TMEM117: variants seen among roughly 807,000 people sequenced by gnomAD.
TMEM117 encodes transmembrane protein 117.
A neutral mutation model predicts 52.4 loss-of-function variants in TMEM117; 27 were observed. That is an observed-to-expected ratio of 0.51 (90% confidence interval 0.38 to 0.71). The LOEUF is 0.71. TMEM117 is among the 30% of genes least tolerant of loss of function. The probability of loss-of-function intolerance (pLI) is 0.00; values close to 1 mark genes in which losing one functional copy is unlikely to be tolerated. For missense variants in TMEM117, 556 were observed against 630.5 expected, an observed-to-expected ratio of 0.88 and a Z score of 1.26; for synonymous variants, 215 against 206.3, an observed-to-expected ratio of 1.04 and a Z score of -0.36.
intron 3 of TMEM117, among the ~76,000 whole-genome samples, chr12:43,945,606 A>G (rs1678396650): frequency 6.6e-6 from 1 of 152,186 alleles, no homozygotes; most frequent in African/African-American, 2.4e-5. Context: ...TACAGGCTTG[A>G]GCCACTGCAT....
intron 4 of TMEM117, among the ~76,000 whole-genome samples, chr12:44,160,816 A>T (rs1432032243): frequency 6.6e-6 from 1 of 152,014 alleles, no homozygotes; most frequent in Non-Finnish European, 1.5e-5. Context: ...AAAAGAAATT[A>T]CCCTATCAAT....
intron 5 of TMEM117, among the ~76,000 whole-genome samples, chr12:44,267,892 A>G (rs11182449): frequency 0.089 from 13,600 of 152,142 alleles, 859 homozygotes; most frequent in African/African-American, 0.18. Context: ...TTCCTTGTCC[A>G]TTATTCATCA....
At chr12:44,337,854 T>C (rs1263266425) in intron 6 of TMEM117, among the ~76,000 whole-genome samples, 1 of 152,094 alleles carries the variant, frequency 6.6e-6, no homozygotes, top group African/African-American at 2.4e-5. Context: ...AATCAAGTGC[T>C]GATGAAGAAA....
rs183685731 is a variant in TMEM117, at chr12:44,007,791, G to C, written c.410+63449G>C. 1.3e-4 allele frequency among the ~76,000 whole-genome samples: 20 copies of C among 152,290 alleles called. No homozygotes were observed. The South Asian group carries it at 3.9e-3, about 30-fold the overall frequency. On this transcript the variant is annotated intron_variant, in intron 3 of 7. Transcript: ENST00000266534. ...TCATGAGATCTGATGGTTTTGTAAA[G>C]AGGAGTTCCCCTGCATAAGCTCTCT...
intron 5 of TMEM117, among the ~76,000 whole-genome samples, chr12:44,240,827 A>G (rs960038881): frequency 5.3e-5 from 8 of 152,116 alleles, no homozygotes; most frequent in African/African-American, 1.9e-4. Flanking sequence ...CAATTTACAT[A>G]TATTATTTCA....
chr12:44,219,976 G>A (rs1413016193), intron 5 of TMEM117, among the ~76,000 whole-genome samples: 1 of 152,046 alleles, frequency 6.6e-6, no homozygotes, highest in African/African-American at 2.4e-5. Flanking sequence ...ACAACTCAAA[G>A]TAACATCCTA....
chr12:44,152,394 A>G (rs1321882261), intron 4 of TMEM117, among the ~76,000 whole-genome samples: 4 of 113,490 alleles, frequency 3.5e-5, no homozygotes, highest in South Asian at 3.1e-4. Context: ...ATATTTATAT[A>G]TAATATTTAT....
intron 3 of TMEM117, among the ~76,000 whole-genome samples, chr12:44,089,326 T>C (rs1046720970): frequency 6.6e-6 from 1 of 152,200 alleles, no homozygotes; most frequent in African/African-American, 2.4e-5. Context: ...CTAAACTGTA[T>C]CTTTGATGTT....
chr12:44,383,376 C>G (rs1397122220), intron 7 of TMEM117, among the ~76,000 whole-genome samples: 3 of 151,906 alleles, frequency 2.0e-5, no homozygotes, highest in African/African-American at 7.3e-5. Context: ...ATGAAGAATC[C>G]TTTTAAAATG....
intron 3 of TMEM117, among the ~76,000 whole-genome samples, chr12:43,953,224 A>AC (rs1273349771): frequency 6.6e-6 from 1 of 152,168 alleles, no homozygotes; most frequent in African/African-American, 2.4e-5. Context: ...CAATGACACT[A>AC]TGAAACAACT....
At chr12:43,941,334 G>T (rs1202739939) in intron 2 of TMEM117, among the ~76,000 whole-genome samples, 1 of 152,128 alleles carries the variant, frequency 6.6e-6, no homozygotes, top group Non-Finnish European at 1.5e-5. Context: ...GGGACCTATA[G>T]ACCTGTAGGA....
intron 3 of TMEM117, among the ~76,000 whole-genome samples, chr12:44,016,644 C>T (rs974458627): frequency 1.3e-5 from 2 of 152,198 alleles, no homozygotes; most frequent in African/African-American, 2.4e-5. Context: ...TGCCACACTT[C>T]CCTTTATTCT....
chr12:44,369,546 G>A (rs1450165896), intron 6 of TMEM117, among the ~76,000 whole-genome samples: 1 of 152,064 alleles, frequency 6.6e-6, no homozygotes, highest in Non-Finnish European at 1.5e-5. Context: ...AATGATTGAT[G>A]AATAAAAGAT....
At chr12:43,905,933 G>A (rs1245187629) in intron 2 of TMEM117, among the ~76,000 whole-genome samples, 2 of 152,148 alleles carry the variant, frequency 1.3e-5, no homozygotes, top group Admixed American at 6.5e-5. Flanking sequence ...CAAGCACTTA[G>A]TATCATTACT....
intron 2 of TMEM117, among the ~76,000 whole-genome samples, chr12:43,912,506 T>TG: frequency 1.6e-5 from 1 of 64,476 alleles, no homozygotes; most frequent in African/African-American, 4.6e-5. Context: ...ATAATAATAA[T>TG]TTATATATAT....
chr12:44,228,444 T>C (rs1295650065), intron 5 of TMEM117, among the ~76,000 whole-genome samples: 1 of 152,120 alleles, frequency 6.6e-6, no homozygotes, highest in African/African-American at 2.4e-5. Context: ...AAAAAACAGA[T>C]AAAGTACCTT....
intron 4 of TMEM117, among the ~76,000 whole-genome samples, chr12:44,176,197 G>C (rs913468884): frequency 1.3e-5 from 2 of 152,132 alleles, no homozygotes; most frequent in Admixed American, 6.5e-5. Context: ...GCCTCACTTA[G>C]GGTTGACTAG....
intron 5 of TMEM117, among the ~76,000 whole-genome samples, chr12:44,215,891 C>G (rs1031662560): frequency 6.6e-6 from 1 of 151,898 alleles, no homozygotes; most frequent in African/African-American, 2.4e-5. Context: ...GATTACATGA[C>G]TTGCCTTGAT....
chr12:43,923,622 G>A (rs1944730302), intron 2 of TMEM117, among the ~76,000 whole-genome samples: 1 of 152,048 alleles, frequency 6.6e-6, no homozygotes, highest in African/African-American at 2.4e-5. Context: ...TATTATATTT[G>A]GAAAGACTTT....
Sources: gnomAD v4.1 joint callset for allele counts (sites outside exome capture counted in the v4.1 genomes callset) on GRCh38, gnomAD v4.1.1 for gene constraint, MANE v1.5 for transcripts, NCBI Gene and HGNC (gene_info 2026-07-23, HGNC 2026-07-21) for gene names.